The following ALDH1A1 variants were observed in gnomAD, a reference collection of about 807,000 sequenced individuals.
The protein encoded by ALDH1A1 is aldehyde dehydrogenase 1A1.
A neutral mutation model predicts 62.1 loss-of-function variants in ALDH1A1; 19 were observed. The observed-to-expected ratio is 0.31, with a 90% CI of 0.21 to 0.45. ALDH1A1 has a LOEUF of 0.45. Ranked by LOEUF, ALDH1A1 falls within the 20% of genes least tolerant of loss-of-function variation. The pLI, the probability that ALDH1A1 is intolerant of heterozygous loss-of-function variation, is 1.00. For missense variants in ALDH1A1, 521 were observed against 607.1 expected, an observed-to-expected ratio of 0.86 and a Z score of 1.49; for synonymous variants, 231 against 215.9, an observed-to-expected ratio of 1.07 and a Z score of -0.61.
At chr9:72,906,258 A>G (rs1483556065) in intron 11 of ALDH1A1, among the ~76,000 whole-genome samples, 2 of 152,170 alleles carry the variant, frequency 1.3e-5, no homozygotes, top group Admixed American at 1.3e-4. Context: ...ATGGATAGCC[A>G]TTTTGGTCGT....
chr9:72,937,011 C>T (rs898570372), intron 2 of ALDH1A1, among the ~76,000 whole-genome samples: 5 of 152,082 alleles, frequency 3.3e-5, no homozygotes, highest in Admixed American at 6.6e-5. Flanking sequence ...GAAGGTGGGG[C>T]TCAGCTATCT....
intron 7 of ALDH1A1, among the ~76,000 whole-genome samples, chr9:72,923,317 G>T (rs1206917594): frequency 6.6e-6 from 1 of 152,162 alleles, no homozygotes; most frequent in Non-Finnish European, 1.5e-5. Context: ...TTTGCACTGA[G>T]CATCTAACAA....
At chr9:72,930,300 T>C (rs1443490639) in intron 3 of ALDH1A1, among the ~76,000 whole-genome samples, 1 of 151,986 alleles carries the variant, frequency 6.6e-6, no homozygotes, top group East Asian at 1.9e-4. Flanking sequence ...ATAAACCACA[T>C]TAATAATTGG....
intron 10 of ALDH1A1, 50 bp downstream of exon 10, chr9:72,911,908 A>G (rs1829995033): frequency 6.2e-7 from 1 of 1,604,862 alleles, no homozygotes. Flanking sequence ...ATACACACAA[A>G]CAGACAAAAC....
At chr9:72,902,410 A>T (rs538389101) in intron 12 of ALDH1A1, among the ~76,000 whole-genome samples, 5 of 152,142 alleles carry the variant, frequency 3.3e-5, no homozygotes, top group South Asian at 2.1e-4. Flanking sequence ...TGTAGAAGAC[A>T]TCATTTTCTG....
At chr9:72,911,148 A>G (rs1005022303) in intron 10 of ALDH1A1, among the ~76,000 whole-genome samples, 3 of 152,104 alleles carry the variant, frequency 2.0e-5, no homozygotes, top group Admixed American at 6.5e-5. Flanking sequence ...ATGTATACAG[A>G]CACACATATA....
At chr9:72,908,434 C>CAAAAAAAAA (rs386415096) in intron 11 of ALDH1A1, among the ~76,000 whole-genome samples, 1 of 2,484 alleles carries the variant, frequency 4.0e-4, no homozygotes, top group Non-Finnish European at 7.1e-4. Context: ...GACTCCAGCT[C>CAAAAAAAAA]AAAAAAAAAA....
chr9:72,945,355 C>T (rs1463779088), intron 1 of ALDH1A1, among the ~76,000 whole-genome samples: 3 of 151,124 alleles, frequency 2.0e-5, no homozygotes, highest in Admixed American at 6.6e-5. Flanking sequence ...GGGCCAGCAG[C>T]CCTAGAGTCT....
At chr9:72,909,111 A>G (rs1030866439) in intron 11 of ALDH1A1, among the ~76,000 whole-genome samples, 5 of 151,100 alleles carry the variant, frequency 3.3e-5, no homozygotes, top group African/African-American at 9.7e-5. Context: ...AAGAAGCTAG[A>G]TAAAGTTAAA....
Position 72,929,084 on chromosome 9 carries a change from A to C in ALDH1A1, c.313-63T>G, listed in dbSNP as rs1020470499. The C allele has an allele frequency of 8.5e-6, 13 of 1,534,592 alleles. No homozygotes were observed. The African/African-American group carries it at 1.5e-4, about 18-fold the overall frequency. On this transcript the variant is annotated intron_variant, in intron 3 of 12. Transcript: ENST00000297785. Reference sequence around the variant, plus strand: ...AAGTTTTAGATTAAAAATATGTAGTAAATATTTTCAGCAATCATGTGCTAG... The same window carrying C: ...AAGTTTTAGATTAAAAATATGTAGTCAATATTTTCAGCAATCATGTGCTAG...
At chr9:72,931,142 A>G in intron 2 of ALDH1A1, 123 bp from the exon 3 acceptor site, 1 of 1,032,938 alleles carries the variant, frequency 9.7e-7, no homozygotes, top group Non-Finnish European at 1.4e-6. Context: ...CCATTATCCC[A>G]AAGTCTAACA....
intron 4 of ALDH1A1, among the ~76,000 whole-genome samples, chr9:72,927,559 A>G (rs1830227582): frequency 6.6e-6 from 1 of 152,170 alleles, no homozygotes. Flanking sequence ...TTATTCTCTA[A>G]GTGTTATAAA....
chr9:72,947,464 C>T (rs1830489401), intron 1 of ALDH1A1, among the ~76,000 whole-genome samples: 1 of 151,952 alleles, frequency 6.6e-6, no homozygotes, highest in East Asian at 1.9e-4. Context: ...AACACAGAAT[C>T]TCAGACTTCA....
intron 11 of ALDH1A1, among the ~76,000 whole-genome samples, chr9:72,907,374 C>G (rs144271533): frequency 1.3e-5 from 2 of 152,282 alleles, no homozygotes; most frequent in African/African-American, 4.8e-5. Context: ...AAATTATTAT[C>G]TTCTAGGATA....
chr9:72,925,021 A>C (rs1830186926), intron 6 of ALDH1A1, among the ~76,000 whole-genome samples: 1 of 152,222 alleles, frequency 6.6e-6, no homozygotes, highest in Non-Finnish European at 1.5e-5. Context: ...TCATGAGTAG[A>C]TTGAAAAGTG....
At chr9:72,916,332 TAA>T (rs1491347712) in intron 9 of ALDH1A1, among the ~76,000 whole-genome samples, 1 of 152,094 alleles carries the variant, frequency 6.6e-6, no homozygotes, top group South Asian at 2.1e-4. Context: ...GATCTTTGGA[TAA>T]GAGAGAGAGA....
chr9:72,920,641 C>T (rs984539110), intron 7 of ALDH1A1, among the ~76,000 whole-genome samples: 1 of 152,174 alleles, frequency 6.6e-6, no homozygotes, highest in African/African-American at 2.4e-5. Context: ...GAAAGAAAGT[C>T]TACACTTTTG....
At position 72,916,987 on chromosome 9, in the gene ALDH1A1, C is replaced by T. The variant is rs1449875224; in HGVS notation, c.968G>A (p.Ser323Asn). ...ESIYDEFVRR[S>N]VERAKKYILG... ...GATATACTTCTTAGCCCGCTCAACACTCCTTCGAACAAACTCATCATAAAT... is the reference window on the plus strand; with the variant it reads ...GATATACTTCTTAGCCCGCTCAACATTCCTTCGAACAAACTCATCATAAAT... The change falls in exon 9 of 13, where the codon AGT becomes AAT. Residue 323 changes from serine (S) to asparagine (N), a missense_variant. Ser to Asn is a conservative substitution (Grantham distance 46, BLOSUM62 1). Transcript: ENST00000297785. 1.2e-6 allele frequency: 2 copies of T among 1,613,790 alleles called. No homozygotes were observed. The highest frequency in any genetic ancestry group is 1.3e-5 in the African/African-American group (1 of 74,872).
chr9:72,938,856 C>T (rs1588143366), intron 2 of ALDH1A1, among the ~76,000 whole-genome samples: 1 of 151,918 alleles, frequency 6.6e-6, no homozygotes, highest in Non-Finnish European at 1.5e-5. Context: ...AATTATCCTG[C>T]GTCAGCCTCC....
Sources: allele counts gnomAD v4.1 joint callset (sites outside exome capture counted in the v4.1 genomes callset), GRCh38; gene constraint gnomAD v4.1.1; transcripts MANE v1.5; gene names NCBI Gene and HGNC (gene_info 2026-07-23, HGNC 2026-07-21).